Variants in SIPA1L1 observed in about 807,000 individuals in gnomAD.
The protein encoded by SIPA1L1 is signal-induced proliferation-associated 1-like protein 1.
In SIPA1L1, 26 loss-of-function variants were observed where a neutral mutation model predicts 162.7. That is an observed-to-expected ratio of 0.16 (90% CI 0.12 to 0.22). The LOEUF (loss-of-function observed/expected upper bound fraction) is 0.22, where lower values mean the gene tolerates loss of function less well. Ranked by LOEUF, SIPA1L1 falls within the 10% of genes least tolerant of loss-of-function variation. SIPA1L1 has a pLI of 1.00. For missense variants in SIPA1L1, 1,874 were observed against 2,241.0 expected (o/e 0.84, Z 3.31); for synonymous variants, 829 against 837.4 (o/e 0.99, Z 0.17).
chr14:71,453,868 C>G (rs11626368), intron 2 of SIPA1L1, among the ~76,000 whole-genome samples: 20,709 of 151,792 alleles, frequency 0.14, 1,535 homozygotes, highest in East Asian at 0.27. Flanking sequence ...GTGGCTCACT[C>G]GTGTAATCCC....
intron 5 of SIPA1L1, among the ~76,000 whole-genome samples, chr14:71,611,841 G>T (rs2038256538): frequency 6.6e-6 from 1 of 152,006 alleles, no homozygotes. Flanking sequence ...CTTTGCTATT[G>T]TAAATACTGC....
chr14:71,439,891 C>A (rs998987284), intron 2 of SIPA1L1, among the ~76,000 whole-genome samples: 3 of 152,152 alleles, frequency 2.0e-5, no homozygotes, highest in Non-Finnish European at 2.9e-5. Flanking sequence ...TGAATAATCT[C>A]ATGATTTGGT....
At chr14:71,352,409 C>G (rs780262740) in intron 2 of SIPA1L1, among the ~76,000 whole-genome samples, 22 of 152,190 alleles carry the variant, frequency 1.4e-4, no homozygotes, top group Admixed American at 1.2e-3. Context: ...GGTTACCCCC[C>G]CTCCTAGTTG....
intron 4 of SIPA1L1, among the ~76,000 whole-genome samples, chr14:71,581,367 G>C (rs1355664056): frequency 6.6e-6 from 1 of 152,094 alleles, no homozygotes; most frequent in South Asian, 2.1e-4. Flanking sequence ...CATATATCAC[G>C]ATGTCCTAAG....
chr14:71,367,543 C>T (rs1052805910), intron 2 of SIPA1L1, among the ~76,000 whole-genome samples: 1 of 150,380 alleles, frequency 6.6e-6, no homozygotes, highest in African/African-American at 2.5e-5. Flanking sequence ...CTCCTGACCT[C>T]GTGATCTGCC....
intron 2 of SIPA1L1, among the ~76,000 whole-genome samples, chr14:71,441,614 A>G (rs1013103550): frequency 6.6e-6 from 1 of 152,222 alleles, no homozygotes; most frequent in Non-Finnish European, 1.5e-5. Flanking sequence ...TCCATGGCAG[A>G]GTATAGTGCT....
intron 13 of SIPA1L1, among the ~76,000 whole-genome samples, chr14:71,692,320 A>T (rs545039074): frequency 6.6e-6 from 1 of 152,382 alleles, no homozygotes; most frequent in Non-Finnish European, 1.5e-5. Context: ...TTTTAAAAGT[A>T]TATTGCTGGT....
intron 3 of SIPA1L1, among the ~76,000 whole-genome samples, chr14:71,514,566 C>T (rs1336405969): frequency 3.9e-5 from 6 of 152,114 alleles, no homozygotes; most frequent in Non-Finnish European, 5.9e-5. Flanking sequence ...TTTAGTGAGG[C>T]GGTGTGACAA....
At position 71,529,334 on chromosome 14, in the gene SIPA1L1, G is replaced by A. The variant is rs562683399; in HGVS notation, c.-339G>A. 3.1e-5 allele frequency: 21 copies of A among 681,560 alleles called. No individual in the cohort carries two copies. The highest frequency in any genetic ancestry group is 1.1e-4 in the African/African-American group (6 of 56,428). The allele number at this position is 681,560 out of a possible 1,614,324, so 42.2% of individuals were successfully genotyped here. A position where few individuals can be genotyped will look rare whatever the true frequency, so the allele number is the denominator to read the frequency against. On this transcript the variant is annotated 5_prime_UTR_variant, in exon 4 of 24. Transcript: ENST00000381232. ...CAGGTTATACCTTATTGGTGTGGAC[G>A]TTGTCTAAATTTCGGTAGCCATGGC...
chr14:71,707,913 A>G (rs148786406), intron 16 of SIPA1L1, among the ~76,000 whole-genome samples: 2 of 150,342 alleles, frequency 1.3e-5, no homozygotes, highest in Non-Finnish European at 3.0e-5. Flanking sequence ...GCTTTTTTTT[A>G]TTATAGCCAA....
intron 2 of SIPA1L1, among the ~76,000 whole-genome samples, chr14:71,402,322 C>A (rs1466808726): frequency 6.6e-6 from 1 of 151,462 alleles, no homozygotes; most frequent in South Asian, 2.1e-4. Flanking sequence ...GATAACAGTG[C>A]CACCACTTCT....
chr14:71,453,134 A>G (rs550517415), intron 2 of SIPA1L1, among the ~76,000 whole-genome samples: 57 of 152,362 alleles, frequency 3.7e-4, no homozygotes, highest in Non-Finnish European at 6.3e-4. Flanking sequence ...TTGTTAAATA[A>G]TTCAACTTAA....
chr14:71,370,482 C>G (rs2038782052), intron 2 of SIPA1L1, among the ~76,000 whole-genome samples: 1 of 152,062 alleles, frequency 6.6e-6, no homozygotes, highest in Admixed American at 6.5e-5. Flanking sequence ...TTGGGATAGA[C>G]TTTTAAAGAC....
At chr14:71,694,250 G>C (rs931380106) in intron 13 of SIPA1L1, among the ~76,000 whole-genome samples, 1 of 152,170 alleles carries the variant, frequency 6.6e-6, no homozygotes, top group African/African-American at 2.4e-5. Context: ...GTGTGTATGT[G>C]TGTGTGTCAG....
intron 2 of SIPA1L1, among the ~76,000 whole-genome samples, chr14:71,404,715 A>G (rs187746922): frequency 1.3e-5 from 2 of 152,340 alleles, no homozygotes; most frequent in African/African-American, 4.8e-5. Context: ...TAGCATTGCA[A>G]GGCCGTCCAT....
intron 4 of SIPA1L1, among the ~76,000 whole-genome samples, chr14:71,565,118 T>C (rs1273757926): frequency 6.6e-6 from 1 of 152,222 alleles, no homozygotes; most frequent in Non-Finnish European, 1.5e-5. Context: ...TTTTGGAGTT[T>C]GTATTTGGAA....
At chr14:71,445,522 G>A (rs2045276140) in intron 2 of SIPA1L1, among the ~76,000 whole-genome samples, 1 of 152,030 alleles carries the variant, frequency 6.6e-6, no homozygotes, top group Admixed American at 6.5e-5. Context: ...GTTTTTAGAT[G>A]TGCATGGGAA....
At chr14:71,621,898 AT>A (rs1019381444) in intron 6 of SIPA1L1, among the ~76,000 whole-genome samples, 8 of 151,648 alleles carry the variant, frequency 5.3e-5, no homozygotes, top group East Asian at 1.9e-4. Flanking sequence ...GTTTTGTATA[AT>A]TTTTTTCTCT....
At chr14:71,682,615 G>A (rs2045909905) in intron 12 of SIPA1L1, among the ~76,000 whole-genome samples, 1 of 152,214 alleles carries the variant, frequency 6.6e-6, no homozygotes, top group South Asian at 2.1e-4. Context: ...TATATGTTAT[G>A]AGTGGTGGAA....
Sources: gnomAD v4.1 joint callset for allele counts (sites outside exome capture counted in the v4.1 genomes callset) on GRCh38, gnomAD v4.1.1 for gene constraint, MANE v1.5 for transcripts, NCBI Gene and HGNC (gene_info 2026-07-23, HGNC 2026-07-21) for gene names.